The following UBA5 variants were observed in gnomAD, a reference collection of about 807,000 sequenced individuals.
UBA5 encodes ubiquitin-like modifier-activating enzyme 5.
UBA5 carries 28 observed loss-of-function variants against 52.9 expected under a neutral mutation model. The ratio of observed to expected loss-of-function variants is 0.53; its 90% confidence interval spans 0.39 to 0.73. The LOEUF is 0.73. Among genes scored for constraint, UBA5 ranks in the 30% least tolerant of loss-of-function variants. The pLI is 0.00. For missense variants in UBA5, 388 were observed against 492.7 expected, an observed-to-expected ratio of 0.79 and a Z score of 2.01; for synonymous variants, 135 against 162.1, an observed-to-expected ratio of 0.83 and a Z score of 1.27.
rs533138948 is a variant in UBA5, at chr3:132,664,329, T to C, written c.162-1494T>C. Among the ~76,000 whole-genome samples the C allele has an allele frequency of 3.9e-5, 6 of 152,312 alleles. No homozygotes were observed. The South Asian group carries it at 1.2e-3, about 32-fold the overall frequency. ...AGTTAAACTATCGATTAAGAGTATATGTGTAGCTTCCCACAATTATATGCC... is the reference window on the plus strand; with the variant it reads ...AGTTAAACTATCGATTAAGAGTATACGTGTAGCTTCCCACAATTATATGCC... On this transcript the variant is annotated intron_variant, in intron 1 of 11. Coordinates refer to ENST00000356232, the MANE Select transcript of UBA5 (RefSeq NM_024818.6).
intron 3 of UBA5, among the ~76,000 whole-genome samples, chr3:132,666,442 C>T (rs1319517198): frequency 6.6e-6 from 1 of 152,094 alleles, no homozygotes; most frequent in Non-Finnish European, 1.5e-5. Context: ...ATGTACCTTT[C>T]CTACTCTTGA....
In UBA5 at chr3:132,671,761, A is replaced by G. The variant is rs2107942958; in HGVS notation, c.580-16A>G. 1 of 1,573,156 alleles carries G rather than the reference A, an allele frequency of 6.4e-7. No individual in the cohort carries two copies. The highest frequency in any genetic ancestry group is 2.3e-5 in the East Asian group (1 of 44,404). ...TTTTATTTTTTTTCCTTATGTTTTC[A>G]CCCATTTCTACTAAGGCTTGTAATG... On this transcript the variant is annotated splice_polypyrimidine_tract_variant and intron_variant, in intron 6 of 11. Coordinates refer to ENST00000356232, the MANE Select transcript of UBA5 (RefSeq NM_024818.6).
chr3:132,667,312 T>C (rs1279908202), intron 3 of UBA5: 1 of 152,206 alleles, frequency 6.6e-6, no homozygotes, highest in Non-Finnish European at 1.5e-5. Context: ...CCACGCCATT[T>C]TGAGTAGCAA....
chr3:132,657,434 A>G (rs1439170659), upstream of UBA5, among the ~76,000 whole-genome samples: 1 of 152,226 alleles, frequency 6.6e-6, no homozygotes, highest in Non-Finnish European at 1.5e-5. Flanking sequence ...GCTCTTACAC[A>G]TAAAATTTAG....
chr3:132,670,291 T>G lies in UBA5; in HGVS notation c.494+7T>G. ...ATTTCATGGATAGAATAAGGTAAAATTTTAATTTATGAATATTTTGTATAA... is the reference window on the plus strand; with the variant it reads ...ATTTCATGGATAGAATAAGGTAAAAGTTTAATTTATGAATATTTTGTATAA... On this transcript the variant is annotated splice_region_variant and intron_variant, in intron 5 of 11. Coordinates refer to ENST00000356232, the MANE Select transcript of UBA5 (RefSeq NM_024818.6). 2.5e-6 allele frequency: 3 copies of G among 1,186,590 alleles called. No homozygotes were observed. The highest frequency in any genetic ancestry group is 3.6e-6 in the Non-Finnish European group (3 of 822,224). 73.5% of individuals were successfully genotyped at this position (1,186,590 alleles called of 1,614,324 possible).
chr3:132,658,714 C>A (rs930739041), upstream of UBA5, among the ~76,000 whole-genome samples: 3 of 152,018 alleles, frequency 2.0e-5, no homozygotes, highest in Non-Finnish European at 4.4e-5. Flanking sequence ...TGATCCATCT[C>A]ATTTATTATT....
Position 132,660,615 on chromosome 3 carries a change from G to C in UBA5, c.78G>C (p.Gln26His). Reference sequence around the variant, plus strand: ...AACTTGCCCAGGAGAGGAGTCTGCAGGTCCCGAGGAGCGGCGACGGAGGGG... The same window carrying C: ...AACTTGCCCAGGAGAGGAGTCTGCACGTCCCGAGGAGCGGCGACGGAGGGG... ...ERELAQERSL[Q>H]VPRSGDGGGG... The change falls in exon 1 of 12, where the codon CAG (glutamine) becomes CAC (histidine). Residue 26 changes from glutamine (Q) to histidine (H), a missense_variant. Gln to His is a conservative substitution (Grantham distance 24). Coordinates refer to ENST00000356232, the MANE Select transcript of UBA5 (RefSeq NM_024818.6). This position sits in a 1 kb window ranked among gnomAD's most constrained non-coding sequence, Gnocchi z 4.1. 1 of 1,559,640 alleles carries C rather than the reference G, an allele frequency of 6.4e-7. No individual in the cohort carries two copies. The highest frequency in any genetic ancestry group is 8.7e-7 in the Non-Finnish European group (1 of 1,152,146).
At position 132,660,453 on chromosome 3, in the gene UBA5, C is replaced by A; in HGVS notation, c.-85C>A. 6.6e-7 allele frequency: 1 copy of A among 1,507,860 alleles called. No homozygotes were observed. The highest frequency in any genetic ancestry group is 8.9e-7 in the Non-Finnish European group (1 of 1,124,226). 93.4% of individuals were successfully genotyped at this position (1,507,860 alleles called of 1,614,324 possible). On this transcript the variant is annotated 5_prime_UTR_variant, in exon 1 of 12. Coordinates refer to ENST00000356232, the MANE Select transcript of UBA5 (RefSeq NM_024818.6). This position sits in a 1 kb window ranked among gnomAD's most constrained non-coding sequence, Gnocchi z 4.1. ...CAGCGGCGAGGTGCCTCCCCACGTA[C>A]CCCTCGCGGGCCCAGCCGAGCAACG...
Position 132,678,613 on chromosome 3 carries a change from A to G in UBA5, c.*2087A>G, listed in dbSNP as rs1938927502. Among the ~76,000 whole-genome samples, 4 of 152,286 alleles carry G rather than the reference A, an allele frequency of 2.6e-5. No individual in the cohort carries two copies. The South Asian group carries it at 8.3e-4, about 32-fold the overall frequency. ...TACTCCCTGGATACGTACACTGAAC[A>G]ACACAAAAAACGTAATGGCCACTTA... On this transcript the variant is annotated 3_prime_UTR_variant, in exon 12 of 12. Transcript: ENST00000356232.
intron 5 of UBA5, among the ~76,000 whole-genome samples, 177 bp downstream of exon 5, chr3:132,670,461 TTG>T (rs1260194480): frequency 2.0e-5 from 3 of 152,098 alleles, no homozygotes; most frequent in Non-Finnish European, 4.4e-5. Flanking sequence ...AAGGTATATA[TTG>T]TCCAAAAACA....
chr3:132,655,857 ATTAT>A (rs1937763765), upstream of UBA5, among the ~76,000 whole-genome samples: 1 of 152,206 alleles, frequency 6.6e-6, no homozygotes, highest in East Asian at 1.9e-4. Context: ...TAATACTTTC[ATTAT>A]TGATTAATTC....
At chr3:132,659,286 G>T (rs745947971), upstream of UBA5, among the ~76,000 whole-genome samples, 3 of 152,186 alleles carry the variant, frequency 2.0e-5, no homozygotes, top group African/African-American at 4.8e-5. Flanking sequence ...ACAAAAGAAG[G>T]CATCTATTTC....
chr3:132,666,186 T>A, intron 3 of UBA5, 113 bp downstream of exon 3: 2 of 802,576 alleles, frequency 2.5e-6, no homozygotes, highest in Non-Finnish European at 4.2e-6. Context: ...TGCAGTGTAT[T>A]AATCTAGATT....
chr3:132,661,798 T>C (rs1009188624), intron 1 of UBA5, among the ~76,000 whole-genome samples: 4 of 152,230 alleles, frequency 2.6e-5, no homozygotes, highest in African/African-American at 9.6e-5. Context: ...TTTTTTCCTT[T>C]AAAGAGCATA....
upstream of UBA5, among the ~76,000 whole-genome samples, chr3:132,657,611 C>T (rs117380272): frequency 4.5e-3 from 692 of 152,260 alleles, 16 homozygotes; most frequent in East Asian, 0.074. Context: ...AAAGTTTTAT[C>T]ATTTCTCTAC....
In UBA5 at chr3:132,679,501, A is replaced by G. The variant is rs144148997; in HGVS notation, c.*2975A>G. Reference sequence around the variant, plus strand: ...AACGTTTGGGTTGGTAGTAAAATAAATAGTAATATCAAAATAGTTTATTAT... The same window carrying G: ...AACGTTTGGGTTGGTAGTAAAATAAGTAGTAATATCAAAATAGTTTATTAT... On this transcript the variant is annotated 3_prime_UTR_variant, in exon 12 of 12. Transcript: ENST00000356232. Among the ~76,000 whole-genome samples, 182 of 152,340 alleles carry G rather than the reference A, an allele frequency of 1.2e-3. 1 individual carries two copies. Among genetic ancestry groups the G allele is most frequent in the African/African-American group, 3.8e-3 (156 of 41,592 alleles).
upstream of UBA5, chr3:132,660,256 G>A (rs1220356390): frequency 5.4e-6 from 3 of 552,632 alleles, no homozygotes; most frequent in Non-Finnish European, 9.7e-6. The surrounding 1 kb of genome is among the most constrained non-coding windows in gnomAD (Gnocchi z 4.1). Flanking sequence ...TGCTGCGGCC[G>A]GGTTTAGCCG....
intron 3 of UBA5, chr3:132,668,592 T>C (rs570463813): frequency 3.4e-6 from 1 of 297,042 alleles, no homozygotes; most frequent in South Asian, 7.9e-5. Flanking sequence ...ATGAGTGGCC[T>C]TTGGACAAGT....
Position 132,670,223 on chromosome 3 carries a change from G to A in UBA5, c.433G>A (p.Glu145Lys), listed in dbSNP as rs1225154043. Residue 145 changes from glutamate (E) to lysine (K), a missense_variant, in exon 5 of 12, where the codon GAA (glutamate) becomes AAA (lysine). Physicochemically the swap from Glu to Lys is moderately conservative, Grantham distance 56 (BLOSUM62 1). Transcript: ENST00000356232. The stretch of plus-strand genomic sequence containing the variant: ...GAACATTAATCCTGATGTTCTTTTT[G>A]AAGTACACAACTATAATATAACCAC... ...LRNINPDVLF[E>K]VHNYNITTVE... is the part of the protein sequence containing the mutation. 6.6e-7 allele frequency: 1 copy of A among 1,504,602 alleles called. No homozygotes were observed. Among genetic ancestry groups the A allele is most frequent in the Non-Finnish European group, 9.2e-7 (1 of 1,088,566 alleles). 93.2% of individuals were successfully genotyped at this position (1,504,602 alleles called of 1,614,324 possible).
Sources: allele counts gnomAD v4.1 joint callset (sites outside exome capture counted in the v4.1 genomes callset), GRCh38; gene constraint gnomAD v4.1.1; non-coding constraint Gnocchi (gnomAD v3.1); transcripts MANE v1.5; gene names NCBI Gene and HGNC (gene_info 2026-07-23, HGNC 2026-07-21).